The following PHACTR1 variants were observed in gnomAD, a reference collection of about 807,000 sequenced individuals.
PHACTR1 encodes the protein phosphatase and actin regulator 1.
In PHACTR1, 16 loss-of-function variants were observed where a neutral mutation model predicts 69.2. That is an observed-to-expected ratio of 0.23 (90% CI 0.16 to 0.35). PHACTR1 has a LOEUF of 0.35. Among genes scored for constraint, PHACTR1 ranks in the 10% least tolerant of loss-of-function variants. The pLI is 1.00. For missense variants in PHACTR1, 510 were observed against 734.7 expected (o/e 0.69, Z 3.54); for synonymous variants, 312 against 284.5 (o/e 1.10, Z -0.97).
intron 4 of PHACTR1, among the ~76,000 whole-genome samples, chr6:12,787,415 G>A (rs1771674035): frequency 6.6e-6 from 1 of 152,248 alleles, no homozygotes; most frequent in African/African-American, 2.4e-5. Flanking sequence ...CATGACTTGA[G>A]TGTGAAAGGC....
chr6:12,820,554 C>T (rs1776091224), intron 4 of PHACTR1, among the ~76,000 whole-genome samples: 1 of 152,184 alleles, frequency 6.6e-6, no homozygotes, highest in South Asian at 2.1e-4. Flanking sequence ...TAACATCCCT[C>T]TCCTCCTGCT....
intron 4 of PHACTR1, among the ~76,000 whole-genome samples, chr6:12,952,540 C>T (rs549855434): frequency 5.4e-4 from 82 of 152,328 alleles, no homozygotes; most frequent in African/African-American, 1.9e-3. Context: ...TGTCTTTTCA[C>T]GGCTTGAGAG....
At chr6:13,071,291 G>C (rs1809486030) in intron 5 of PHACTR1, among the ~76,000 whole-genome samples, 1 of 152,104 alleles carries the variant, frequency 6.6e-6, no homozygotes, top group Non-Finnish European at 1.5e-5. Context: ...AGCCAGGCTT[G>C]GTGGTGTGCG....
intron 5 of PHACTR1, among the ~76,000 whole-genome samples, chr6:13,086,083 T>TAAAAAAAAAAAAAAAAAAA (rs776154642): frequency 1.7e-5 from 1 of 60,266 alleles, no homozygotes; most frequent in Non-Finnish European, 2.9e-5. Flanking sequence ...TACACATTTC[T>TAAAAAAAAAAAAAAAAAAA]AAAAAAAAAA....
intron 4 of PHACTR1, among the ~76,000 whole-genome samples, chr6:12,790,286 C>T (rs1004706590): frequency 2.0e-5 from 3 of 152,102 alleles, no homozygotes; most frequent in Admixed American, 6.5e-5. Context: ...CTAGAATTGC[C>T]CTGCTCACTT....
chr6:12,840,118 A>G (rs1299388131), intron 4 of PHACTR1, among the ~76,000 whole-genome samples: 1 of 152,154 alleles, frequency 6.6e-6, no homozygotes, highest in Non-Finnish European at 1.5e-5. Context: ...GTCAGTCAGC[A>G]GGGAGTAATC....
At chr6:12,738,114 T>G (rs1313287008) in intron 3 of PHACTR1, among the ~76,000 whole-genome samples, 5 of 152,206 alleles carry the variant, frequency 3.3e-5, no homozygotes, top group Non-Finnish European at 7.4e-5. Context: ...TTCTTTTGCC[T>G]TCTTTAATCT....
At chr6:12,907,695 C>A (rs1785894577) in intron 4 of PHACTR1, among the ~76,000 whole-genome samples, 1 of 152,064 alleles carries the variant, frequency 6.6e-6, no homozygotes, top group Non-Finnish European at 1.5e-5. Flanking sequence ...AAGAGTAGAA[C>A]CATAGTCTAG....
intron 3 of PHACTR1, among the ~76,000 whole-genome samples, chr6:12,745,843 AC>A (rs1157614719): frequency 2.6e-5 from 4 of 152,156 alleles, no homozygotes; most frequent in African/African-American, 9.7e-5. Flanking sequence ...GGTGAATGGG[AC>A]CCATGCTGGT....
intron 6 of PHACTR1, among the ~76,000 whole-genome samples, chr6:13,173,764 A>G (rs1471832944): frequency 6.6e-6 from 1 of 152,196 alleles, no homozygotes; most frequent in African/African-American, 2.4e-5. Flanking sequence ...GCTGGAATGC[A>G]ATGGCGCAAT....
chr6:12,813,725 C>G (rs1354074379), intron 4 of PHACTR1, among the ~76,000 whole-genome samples: 1 of 152,228 alleles, frequency 6.6e-6, no homozygotes, highest in Non-Finnish European at 1.5e-5. Context: ...GCATCAAAAA[C>G]TAAGAGCAGC....
At chr6:12,982,651 T>C (rs377588324) in intron 4 of PHACTR1, among the ~76,000 whole-genome samples, 2 of 152,160 alleles carry the variant, frequency 1.3e-5, no homozygotes, top group Non-Finnish European at 2.9e-5. Context: ...AGACTCCATC[T>C]CAAAATAAAT....
chr6:12,750,976 A>ATGTGTG (rs5874376), intron 4 of PHACTR1, among the ~76,000 whole-genome samples: 21 of 151,452 alleles, frequency 1.4e-4, no homozygotes, highest in Admixed American at 1.4e-3. Flanking sequence ...ATCAAACAAA[A>ATGTGTG]TGTGTGTGTG....
chr6:13,195,392 G>C (rs1039402195), intron 7 of PHACTR1, among the ~76,000 whole-genome samples: 1 of 152,290 alleles, frequency 6.6e-6, no homozygotes, highest in South Asian at 2.1e-4. Flanking sequence ...ACTAAGTGCT[G>C]TGCTCATTGA....
intron 10 of PHACTR1, among the ~76,000 whole-genome samples, chr6:13,252,633 T>C (rs1458543950): frequency 6.7e-6 from 1 of 148,274 alleles, no homozygotes; most frequent in Non-Finnish European, 1.5e-5. Context: ...AAAAAAGTTT[T>C]GGGGGAGAGG....
intron 4 of PHACTR1, among the ~76,000 whole-genome samples, chr6:12,807,615 T>C (rs1204242130): frequency 6.6e-6 from 1 of 152,240 alleles, no homozygotes; most frequent in African/African-American, 2.4e-5. Flanking sequence ...TGTGAAATTC[T>C]TACAAAGAGC....
intron 5 of PHACTR1, among the ~76,000 whole-genome samples, chr6:13,093,897 G>C (rs1321390482): frequency 6.6e-6 from 1 of 152,036 alleles, no homozygotes; most frequent in Non-Finnish European, 1.5e-5. Flanking sequence ...TTTGAGACAG[G>C]GTTTTGCTCT....
chr6:13,097,458 G>A (rs1244921249), intron 5 of PHACTR1, among the ~76,000 whole-genome samples: 1 of 152,176 alleles, frequency 6.6e-6, no homozygotes, highest in African/African-American at 2.4e-5. Context: ...CTGATCGTGA[G>A]AGATTTGTAG....
At chr6:13,211,065 G>A (rs1288108890) in intron 8 of PHACTR1, among the ~76,000 whole-genome samples, 1 of 151,936 alleles carries the variant, frequency 6.6e-6, no homozygotes, top group African/African-American at 2.4e-5. Flanking sequence ...TCATTAAAGA[G>A]TTGAATTCAT....
Sources: gnomAD v4.1 joint callset for allele counts (sites outside exome capture counted in the v4.1 genomes callset) on GRCh38, gnomAD v4.1.1 for gene constraint, MANE v1.5 for transcripts, NCBI Gene and HGNC (gene_info 2026-07-23, HGNC 2026-07-21) for gene names.